The following TNRC6B variants were observed in gnomAD, a reference collection of about 807,000 sequenced individuals.
The protein encoded by TNRC6B is trinucleotide repeat-containing gene 6B protein.
TNRC6B carries 52 observed loss-of-function variants against 203.6 expected under a neutral mutation model. The observed-to-expected ratio is 0.26, with a 90% CI of 0.20 to 0.32. The LOEUF (loss-of-function observed/expected upper bound fraction) is 0.32. Ranked by LOEUF, TNRC6B falls within the 10% of genes least tolerant of loss-of-function variation. TNRC6B has a pLI of 1.00. For missense variants in TNRC6B, 1,923 were observed against 2,286.2 expected (o/e 0.84, Z 3.24); for synonymous variants, 838 against 845.7 (o/e 0.99, Z 0.16).
intron 3 of TNRC6B, among the ~76,000 whole-genome samples, chr22:40,132,975 T>A (rs1468052775): frequency 4.4e-4 from 51 of 116,128 alleles, no homozygotes; most frequent in Middle Eastern, 8.2e-3. Context: ...AAAAAATATA[T>A]ATATATATAT....
chr22:40,116,348 G>C (rs1456906002), intron 1 of TNRC6B, among the ~76,000 whole-genome samples: 1 of 152,118 alleles, frequency 6.6e-6, no homozygotes, highest in Non-Finnish European at 1.5e-5. Flanking sequence ...GCGTTTGTTT[G>C]TTCATTGTAA....
chr22:40,289,290 AAAAAAG>A (rs2146532644), intron 12 of TNRC6B, among the ~76,000 whole-genome samples: 1 of 152,242 alleles, frequency 6.6e-6, no homozygotes, highest in African/African-American at 2.4e-5. Flanking sequence ...TCAAAAAAGA[AAAAAAG>A]AGGAAGGGAG....
intron 3 of TNRC6B, among the ~76,000 whole-genome samples, chr22:40,148,758 G>A (rs2068718957): frequency 6.7e-6 from 1 of 148,532 alleles, no homozygotes; most frequent in African/African-American, 2.5e-5. Flanking sequence ...ATTAGGATAG[G>A]CCCTAATCCA....
At chr22:40,215,386 C>T (rs2069621790) in intron 1 of TNRC6B, among the ~76,000 whole-genome samples, 1 of 152,230 alleles carries the variant, frequency 6.6e-6, no homozygotes, top group South Asian at 2.1e-4. Flanking sequence ...CCACATTTCT[C>T]ATTGCCATCT....
chr22:40,311,644 C>T (rs1028499725), intron 17 of TNRC6B, among the ~76,000 whole-genome samples: 1 of 151,784 alleles, frequency 6.6e-6, no homozygotes, highest in African/African-American at 2.4e-5. Flanking sequence ...CAGGTTCAAG[C>T]GATTCTCCTG....
intron 1 of TNRC6B, among the ~76,000 whole-genome samples, chr22:40,071,536 A>G (rs1335637830): frequency 6.6e-6 from 1 of 152,258 alleles, no homozygotes; most frequent in Non-Finnish European, 1.5e-5. Flanking sequence ...AAGGGAATAT[A>G]TACTTATGAT....
chr22:40,304,161 G>A (rs1005524239), intron 15 of TNRC6B, among the ~76,000 whole-genome samples: 2 of 152,216 alleles, frequency 1.3e-5, no homozygotes, highest in South Asian at 4.1e-4. Context: ...AAGTGAAAGA[G>A]TAGCAAGAAT....
chr22:40,047,535 G>A (rs1188647680), intron 1 of TNRC6B, among the ~76,000 whole-genome samples: 2 of 152,006 alleles, frequency 1.3e-5, no homozygotes, highest in East Asian at 1.9e-4. Flanking sequence ...CCCGGGAGGC[G>A]GAGGTTGCAG....
At chr22:40,110,731 G>T (rs1252874196) in intron 1 of TNRC6B, among the ~76,000 whole-genome samples, 2 of 152,086 alleles carry the variant, frequency 1.3e-5, no homozygotes, top group African/African-American at 4.8e-5. Flanking sequence ...CTTGTGCCAG[G>T]GTCCTACCAT....
chr22:40,152,658 A>T (rs1436319677), intron 3 of TNRC6B, among the ~76,000 whole-genome samples: 1 of 151,862 alleles, frequency 6.6e-6, no homozygotes, highest in Non-Finnish European at 1.5e-5. Flanking sequence ...TTTTTAGTAG[A>T]GATGGGGTTT....
At chr22:40,154,903 A>ATG (rs1804807489) in intron 3 of TNRC6B, among the ~76,000 whole-genome samples, 1 of 116,930 alleles carries the variant, frequency 8.6e-6, no homozygotes, top group Non-Finnish European at 1.7e-5. Flanking sequence ...ATACATATAT[A>ATG]TATATATTCT....
At chr22:40,051,072 C>T (rs186240237) in intron 1 of TNRC6B, among the ~76,000 whole-genome samples, 35 of 152,296 alleles carry the variant, frequency 2.3e-4, no homozygotes, top group Admixed American at 1.2e-3. Flanking sequence ...ATCCACCTGC[C>T]TCAGCCTCCC....
At chr22:40,072,559 T>C (rs2067960571) in intron 1 of TNRC6B, among the ~76,000 whole-genome samples, 1 of 152,142 alleles carries the variant, frequency 6.6e-6, no homozygotes, top group African/African-American at 2.4e-5. Flanking sequence ...TATTGAGCAC[T>C]AACTTAGTCA....
At chr22:40,069,843 T>G (rs1356075338) in intron 1 of TNRC6B, among the ~76,000 whole-genome samples, 1 of 152,164 alleles carries the variant, frequency 6.6e-6, no homozygotes, top group Admixed American at 6.5e-5. Context: ...CACACATTTA[T>G]TAAAAGAGAT....
In TNRC6B at chr22:40,315,468, G is replaced by T. The variant is rs1315676189; in HGVS notation, c.4864G>T (p.Val1622Phe). The change falls in exon 20 of 23, where the codon GTC (valine) becomes TTC (phenylalanine). Residue 1622 changes from valine (V) to phenylalanine (F), a missense_variant. Coordinates refer to ENST00000454349, the MANE Select transcript of TNRC6B (RefSeq NM_001162501.2). ...SPWSSTAPRS[V>F]RGWGTQDSRL... The stretch of plus-strand genomic sequence containing the variant: ...CTGGAGCAGCACAGCACCCCGATCA[G>T]TCAGGGGGTGGGGGACACAGGACTC... The T allele has an allele frequency of 1.2e-6, 2 of 1,613,916 alleles. No homozygotes were observed. The highest frequency in any genetic ancestry group is 1.7e-6 in the Non-Finnish European group (2 of 1,179,908).
chr22:40,316,150 C>A, intron 21 of TNRC6B, 138 bp downstream of exon 21: 1 of 657,382 alleles, frequency 1.5e-6, no homozygotes, highest in Non-Finnish European at 2.6e-6. Flanking sequence ...GTCAGGAGAT[C>A]AAGACCATCC....
chr22:40,199,113 A>G (rs983237830), intron 1 of TNRC6B, among the ~76,000 whole-genome samples: 2 of 152,102 alleles, frequency 1.3e-5, no homozygotes, highest in Non-Finnish European at 2.9e-5. Context: ...CACTGGCCAA[A>G]TCTGAGTTTA....
At chr22:40,263,427 C>T (rs2070418438) in intron 4 of TNRC6B, among the ~76,000 whole-genome samples, 1 of 152,188 alleles carries the variant, frequency 6.6e-6, no homozygotes, top group Admixed American at 6.5e-5. Flanking sequence ...TGTGAAGGGG[C>T]AGGCCCTGTC....
chr22:40,170,311 T>G (rs1005987388), intron 4 of TNRC6B, among the ~76,000 whole-genome samples: 8 of 110,110 alleles, frequency 7.3e-5, no homozygotes, highest in Non-Finnish European at 8.5e-5. Context: ...ATAATATATA[T>G]TTTATATATA....
Sources: gnomAD v4.1 joint callset for allele counts (sites outside exome capture counted in the v4.1 genomes callset) on GRCh38, gnomAD v4.1.1 for gene constraint, MANE v1.5 for transcripts, NCBI Gene and HGNC (gene_info 2026-07-23, HGNC 2026-07-21) for gene names.